The following AMBRA1 variants were observed in gnomAD, a reference collection of about 807,000 sequenced individuals.
AMBRA1 encodes the protein activating molecule in BECN1-regulated autophagy protein 1.
In AMBRA1, 47 loss-of-function variants were observed where a neutral mutation model predicts 125.4. The ratio of observed to expected loss-of-function variants is 0.37; its 90% CI spans 0.30 to 0.48. The LOEUF (loss-of-function observed/expected upper bound fraction) is 0.48, where lower values mean the gene tolerates loss of function less well. AMBRA1 is among the 20% of genes least tolerant of loss of function. The pLI is 0.99. For missense variants in AMBRA1, 1,331 were observed against 1,693.4 expected (o/e 0.79, Z 3.76); for synonymous variants, 626 against 655.5 (o/e 0.95, Z 0.69).
chr11:46,433,817 T>C (rs1011126844), intron 13 of AMBRA1, among the ~76,000 whole-genome samples, 189 bp from the exon 14 acceptor site: 7 of 152,130 alleles, frequency 4.6e-5, no homozygotes, highest in African/African-American at 1.7e-4. Context: ...GTTTGACATA[T>C]AGAAAGCACA....
At chr11:46,443,715 G>T in intron 11 of AMBRA1, 117 bp from the exon 12 acceptor site, 1 of 810,300 alleles carries the variant, frequency 1.2e-6, no homozygotes, top group Non-Finnish European at 2.0e-6. Flanking sequence ...CTAGACTATG[G>T]CTGAAGAAAG....
intron 9 of AMBRA1, chr11:46,495,373 A>G (rs772928316): frequency 3.9e-5 from 6 of 152,266 alleles, no homozygotes; most frequent in Non-Finnish European, 5.9e-5. Context: ...GAACTTCACA[A>G]GCCAGAAACA....
intron 14 of AMBRA1, among the ~76,000 whole-genome samples, chr11:46,431,266 T>C (rs534833117): frequency 1.3e-5 from 2 of 152,314 alleles, no homozygotes; most frequent in East Asian, 3.9e-4. Flanking sequence ...TGGCAGATGG[T>C]ACCTACTGAG....
chr11:46,449,111 C>T (rs1459949360), intron 11 of AMBRA1, among the ~76,000 whole-genome samples: 1 of 152,092 alleles, frequency 6.6e-6, no homozygotes, highest in Non-Finnish European at 1.5e-5. Flanking sequence ...TAGATACTTT[C>T]CCCCTAAGAC....
chr11:46,406,683 C>G (rs2136607296), intron 17 of AMBRA1, among the ~76,000 whole-genome samples: 1 of 150,436 alleles, frequency 6.6e-6, no homozygotes, highest in Middle Eastern at 3.7e-3. Flanking sequence ...GAGTTCAAGA[C>G]CAGCCTGGCC....
intron 11 of AMBRA1, among the ~76,000 whole-genome samples, chr11:46,459,668 A>G (rs1384486343): frequency 6.6e-6 from 1 of 151,296 alleles, no homozygotes; most frequent in Admixed American, 6.6e-5. Context: ...CTGAGATCAC[A>G]CCACTGCACT....
chr11:46,569,390 T>C (rs529993253), intron 1 of AMBRA1, among the ~76,000 whole-genome samples: 9 of 146,638 alleles, frequency 6.1e-5, no homozygotes, highest in Non-Finnish European at 6.0e-5. Context: ...CCCTGCAGCC[T>C]ACCTTTTTCA....
chr11:46,569,240 CA>C (rs1207336499), intron 1 of AMBRA1, among the ~76,000 whole-genome samples: 228 of 68,668 alleles, frequency 3.3e-3, no homozygotes, highest in East Asian at 0.022. Context: ...GAGGGAATCT[CA>C]AAAAAAAAAA....
chr11:46,583,997 A>T (rs1442705049), intron 1 of AMBRA1, among the ~76,000 whole-genome samples: 2 of 145,562 alleles, frequency 1.4e-5, no homozygotes, highest in Non-Finnish European at 3.0e-5. Flanking sequence ...TAGAAATACC[A>T]TTTCACCCAG....
Position 46,543,170 on chromosome 11 carries a change from TG to T in AMBRA1, c.846del (p.Arg283GlyfsTer83). On this transcript the variant is annotated frameshift_variant, in exon 7 of 18. Transcript: ENST00000683756. LOFTEE classifies it high-confidence loss of function. ...CGGAGCCTGATGTAAGCGGAAGTCC[TG>T]GGGCGCTCCGTGGAGGGCTGAGGGG... ...PPPPQPSTER[P>X]RTSAYIRLRQ... 6.6e-7 allele frequency: 1 copy of T among 1,518,500 alleles called. No homozygotes were observed. 94.1% of individuals were successfully genotyped at this position (1,518,500 alleles called of 1,614,324 possible). A position where few individuals can be genotyped will look rare whatever the true frequency, so the allele number is the denominator to read the frequency against.
At chr11:46,519,324 C>T (rs1386199838) in intron 7 of AMBRA1, among the ~76,000 whole-genome samples, 1 of 151,970 alleles carries the variant, frequency 6.6e-6, no homozygotes, top group African/African-American at 2.4e-5. Flanking sequence ...ATGCCCGGCC[C>T]CTTCACTTCA....
At chr11:46,415,452 A>G (rs1007632443) in intron 15 of AMBRA1, among the ~76,000 whole-genome samples, 1 of 152,200 alleles carries the variant, frequency 6.6e-6, no homozygotes, top group Non-Finnish European at 1.5e-5. Flanking sequence ...TTGAGTGAAA[A>G]GCGCTCTGGA....
intron 11 of AMBRA1, among the ~76,000 whole-genome samples, chr11:46,468,528 G>T (rs1266645538): frequency 6.6e-6 from 1 of 152,076 alleles, no homozygotes; most frequent in Non-Finnish European, 1.5e-5. Context: ...GCCAGGCGCA[G>T]TGACTCACGC....
chr11:46,524,491 A>T (rs1386874428), intron 7 of AMBRA1, among the ~76,000 whole-genome samples: 1 of 152,232 alleles, frequency 6.6e-6, no homozygotes, highest in African/African-American at 2.4e-5. Context: ...GAGTAACTAA[A>T]ATATGAGGCA....
intron 9 of AMBRA1, among the ~76,000 whole-genome samples, chr11:46,498,858 G>C (rs1474647906): frequency 6.6e-6 from 1 of 152,200 alleles, no homozygotes; most frequent in African/African-American, 2.4e-5. Flanking sequence ...GTTTCCCTAT[G>C]CTGCTCTGTT....
chr11:46,406,360 C>CT (rs1484012150), intron 17 of AMBRA1, among the ~76,000 whole-genome samples: 1 of 112,694 alleles, frequency 8.9e-6, no homozygotes, highest in East Asian at 3.1e-4. Flanking sequence ...AGCTGAGACT[C>CT]TATCTTTAAA....
intron 11 of AMBRA1, among the ~76,000 whole-genome samples, chr11:46,456,223 A>G (rs1387835078): frequency 6.6e-6 from 1 of 152,140 alleles, no homozygotes; most frequent in Non-Finnish European, 1.5e-5. Context: ...AAATGGGGGA[A>G]AAAAAAACCC....
intron 1 of AMBRA1, among the ~76,000 whole-genome samples, chr11:46,582,775 C>T (rs1239931478): frequency 2.6e-5 from 4 of 152,062 alleles, no homozygotes; most frequent in African/African-American, 7.2e-5. Context: ...CAATGCAAAG[C>T]GCTTACTACA....
chr11:46,534,063 T>C lies in AMBRA1; in HGVS notation c.2072+7882A>G, dbSNP rs757252697. On this transcript the variant is annotated intron_variant, in intron 7 of 17. Coordinates refer to ENST00000683756, the MANE Select transcript of AMBRA1 (RefSeq NM_001387011.1). ...CCTTTTTTGATGATCCTATTTCAAA[T>C]TGCAGCATCCCCTACATTTTTTATA... 3.3e-5 allele frequency among the ~76,000 whole-genome samples: 5 copies of C among 150,792 alleles called. No homozygotes were observed. The Admixed American group carries it at 3.3e-4, about 10-fold the overall frequency.
Sources: allele counts gnomAD v4.1 joint callset (sites outside exome capture counted in the v4.1 genomes callset), GRCh38; gene constraint gnomAD v4.1.1; transcripts MANE v1.5; gene names NCBI Gene and HGNC (gene_info 2026-07-23, HGNC 2026-07-21).